Variants in SDCCAG8 observed in about 807,000 individuals in gnomAD.
SDCCAG8 encodes the protein SHH signaling and ciliogenesis regulator SDCCAG8, also known as serologically defined colon cancer antigen 8.
Under a neutral mutation model 101.8 loss-of-function variants are expected in SDCCAG8, and 74 were observed. That is an observed-to-expected ratio of 0.73 (90% CI 0.60 to 0.88). SDCCAG8 has a LOEUF of 0.88. Ranked by LOEUF, SDCCAG8 falls within the 40% of genes least tolerant of loss-of-function variation. The pLI, the probability that SDCCAG8 is intolerant of heterozygous loss-of-function variation, is 0.00. For synonymous variants in SDCCAG8, 281 were observed against 292.9 expected, an observed-to-expected ratio of 0.96 and a Z score of 0.41; for missense variants, 787 against 822.6, an observed-to-expected ratio of 0.96 and a Z score of 0.53.
chr1:243,307,589 A>C, intron 7 of SDCCAG8: 1 of 984,830 alleles, frequency 1.0e-6, no homozygotes, highest in South Asian at 4.7e-5. Flanking sequence ...CCTCACCTCA[A>C]GTATGTTGTC....
Position 243,485,851 on chromosome 1 carries a change from C to G in SDCCAG8, c.1986-3163C>G, listed in dbSNP as rs373161366. On this transcript the variant is annotated intron_variant, in intron 16 of 17. Coordinates refer to ENST00000366541, the MANE Select transcript of SDCCAG8 (RefSeq NM_006642.5). ...AGGTTGCAGTGAGCTGACATAGCACCGCTGCACCCTAGCCTGGGCAACAAA... is the reference window on the plus strand; with the variant it reads ...AGGTTGCAGTGAGCTGACATAGCACGGCTGCACCCTAGCCTGGGCAACAAA... 6.7e-5 allele frequency among the ~76,000 whole-genome samples: 10 copies of G among 149,996 alleles called. No homozygotes were observed. The Admixed American group carries it at 6.7e-4, about 10-fold the overall frequency.
intron 13 of SDCCAG8, 105 bp downstream of exon 13, chr1:243,378,968 C>T (rs535353130): frequency 6.9e-6 from 10 of 1,445,402 alleles, no homozygotes; most frequent in Middle Eastern, 3.5e-4. Context: ...ATTCAATTCA[C>T]ACTTAGCTTT....
chr1:243,259,275 CG>C (rs747849085), intron 1 of SDCCAG8, among the ~76,000 whole-genome samples: 2 of 151,368 alleles, frequency 1.3e-5, no homozygotes, highest in Non-Finnish European at 2.9e-5. Context: ...GGCGTGGTGG[CG>C]GGCGCCTGTA....
chr1:243,314,912 G>T (rs1235712844), intron 8 of SDCCAG8, among the ~76,000 whole-genome samples: 1 of 152,186 alleles, frequency 6.6e-6, no homozygotes, highest in African/African-American at 2.4e-5. Flanking sequence ...GTTTCAGCAT[G>T]TTGGTCAGGC....
chr1:243,478,334 T>C (rs2148215726), intron 16 of SDCCAG8, among the ~76,000 whole-genome samples: 1 of 152,344 alleles, frequency 6.6e-6, no homozygotes. Flanking sequence ...GCAAGTCACT[T>C]ATACTTTCTT....
chr1:243,340,920 C>G, intron 10 of SDCCAG8, 119 bp from the exon 11 acceptor site: 1 of 1,019,622 alleles, frequency 9.8e-7, no homozygotes, highest in Non-Finnish European at 1.5e-6. Flanking sequence ...ATACCCAATC[C>G]ACAGAGAAAT....
Position 243,453,316 on chromosome 1 carries a change from G to A in SDCCAG8, c.1985+26758G>A, listed in dbSNP as rs191462304. Among the ~76,000 whole-genome samples the A allele has an allele frequency of 1.9e-4, 29 of 152,262 alleles. No individual in the cohort carries two copies. The East Asian group carries it at 5.6e-3, about 29-fold the overall frequency. On this transcript the variant is annotated intron_variant, in intron 16 of 17. Transcript: ENST00000366541. Reference sequence around the variant, plus strand: ...TCTTCTTGGTGGGCTTGAGGCCCCAGCCCAAGACTGCAGGGTCAATGCAAC... The same window carrying A: ...TCTTCTTGGTGGGCTTGAGGCCCCAACCCAAGACTGCAGGGTCAATGCAAC...
chr1:243,329,779 T>C (rs1312889980), intron 9 of SDCCAG8, among the ~76,000 whole-genome samples: 1 of 152,226 alleles, frequency 6.6e-6, no homozygotes, highest in African/African-American at 2.4e-5. Flanking sequence ...TATTTCATTA[T>C]TGGGTGTTAT....
At chr1:243,395,913 A>G (rs1222695109) in intron 13 of SDCCAG8, among the ~76,000 whole-genome samples, 5 of 151,986 alleles carry the variant, frequency 3.3e-5, no homozygotes, top group Non-Finnish European at 5.9e-5. Flanking sequence ...TACAGACTTG[A>G]TTGATTTTAC....
intron 9 of SDCCAG8, among the ~76,000 whole-genome samples, chr1:243,321,269 A>C (rs1439200173): frequency 6.6e-6 from 1 of 152,262 alleles, no homozygotes; most frequent in African/African-American, 2.4e-5. Flanking sequence ...CTTTTAAAAA[A>C]ATATTTCAGC....
chr1:243,309,669 A>G (rs930705082), intron 8 of SDCCAG8, among the ~76,000 whole-genome samples: 18 of 152,122 alleles, frequency 1.2e-4, no homozygotes, highest in African/African-American at 4.3e-4. Flanking sequence ...CAGCTAATTA[A>G]AAAAATTTTT....
At chr1:243,312,718 A>T (rs1558277206) in intron 8 of SDCCAG8, among the ~76,000 whole-genome samples, 3 of 151,914 alleles carry the variant, frequency 2.0e-5, no homozygotes, top group East Asian at 1.9e-4. Flanking sequence ...AAAAAAAAAA[A>T]AAAAAAATAA....
intron 16 of SDCCAG8, among the ~76,000 whole-genome samples, chr1:243,442,768 A>G (rs566918239): frequency 8.5e-5 from 13 of 152,338 alleles, no homozygotes; most frequent in African/African-American, 2.9e-4. Flanking sequence ...AAAGCTTACA[A>G]ACCTTTTCAG....
chr1:243,472,696 C>T (rs1323504177), intron 16 of SDCCAG8, among the ~76,000 whole-genome samples: 1 of 152,112 alleles, frequency 6.6e-6, no homozygotes, highest in African/African-American at 2.4e-5. Context: ...GCAAAGGCTT[C>T]CTCAAAAAAA....
At chr1:243,363,296 AAAAT>A (rs2076820561) in intron 12 of SDCCAG8, among the ~76,000 whole-genome samples, 1 of 152,228 alleles carries the variant, frequency 6.6e-6, no homozygotes, top group Admixed American at 6.5e-5. Context: ...GTCAAATAAA[AAAAT>A]TATTTTTATG....
chr1:243,399,679 G>A (rs2079250395), intron 13 of SDCCAG8, among the ~76,000 whole-genome samples: 1 of 151,898 alleles, frequency 6.6e-6, no homozygotes, highest in Non-Finnish European at 1.5e-5. Context: ...GCTAATTTTT[G>A]TAATTTTAGT....
intron 10 of SDCCAG8, among the ~76,000 whole-genome samples, chr1:243,340,655 T>A (rs1026438966): frequency 6.6e-6 from 1 of 152,212 alleles, no homozygotes; most frequent in South Asian, 2.1e-4. Flanking sequence ...TCAGTCCTTT[T>A]ATACCTTCCA....
At chr1:243,460,621 C>T (rs1046966204) in intron 16 of SDCCAG8, among the ~76,000 whole-genome samples, 2 of 152,176 alleles carry the variant, frequency 1.3e-5, no homozygotes, top group Non-Finnish European at 2.9e-5. Context: ...GGTAGAGCAG[C>T]CCTAGCTGAC....
At chr1:243,361,736 G>A (rs1359408078) in intron 12 of SDCCAG8, among the ~76,000 whole-genome samples, 1 of 151,942 alleles carries the variant, frequency 6.6e-6, no homozygotes, top group Non-Finnish European at 1.5e-5. Flanking sequence ...CTTTCTTTTG[G>A]TTTCCAATTC....
Sources: allele counts gnomAD v4.1 joint callset (sites outside exome capture counted in the v4.1 genomes callset), GRCh38; gene constraint gnomAD v4.1.1; transcripts MANE v1.5; gene names NCBI Gene and HGNC (gene_info 2026-07-23, HGNC 2026-07-21).